ADARB2: variants seen among roughly 807,000 people sequenced by gnomAD.
The protein encoded by ADARB2 is adenosine deaminase RNA specific B2 (inactive).
Under a neutral mutation model 62.2 loss-of-function variants are expected in ADARB2, and 25 were observed. The ratio of observed to expected loss-of-function variants is 0.40; its 90% CI spans 0.29 to 0.56. ADARB2 has a LOEUF of 0.56. Ranked by LOEUF, ADARB2 falls within the 20% of genes least tolerant of loss-of-function variation. The pLI is 0.43. For synonymous variants in ADARB2, 572 were observed against 500.8 expected (o/e 1.14, Z -1.90); for missense variants, 1,071 against 1,077.4 (o/e 0.99, Z 0.08).
chr10:1,581,972 C>G (rs758721921), intron 1 of ADARB2, among the ~76,000 whole-genome samples: 2 of 152,152 alleles, frequency 1.3e-5, no homozygotes, highest in African/African-American at 2.4e-5. Context: ...CCAGAGGCCA[C>G]TTCCCTACTC....
At chr10:1,721,631 G>A (rs7900140) in intron 1 of ADARB2, among the ~76,000 whole-genome samples, 14,646 of 152,218 alleles carry the variant, frequency 0.096, 1,170 homozygotes, top group African/African-American at 0.21. Flanking sequence ...TTATTGCAAC[G>A]GCAGCAAAGC....
chr10:1,344,448 G>T (rs549929459), intron 3 of ADARB2, among the ~76,000 whole-genome samples: 2 of 152,276 alleles, frequency 1.3e-5, no homozygotes, highest in East Asian at 3.9e-4. Flanking sequence ...CTTTAGTAAA[G>T]AATTAAAGTT....
chr10:1,710,207 C>T (rs1300745353), intron 1 of ADARB2, among the ~76,000 whole-genome samples: 1 of 152,152 alleles, frequency 6.6e-6, no homozygotes, highest in Non-Finnish European at 1.5e-5. Context: ...TTCCTTTATA[C>T]TCAGCCCAGA....
intron 1 of ADARB2, among the ~76,000 whole-genome samples, chr10:1,451,253 T>TATC (rs1831033210): frequency 6.6e-6 from 1 of 152,222 alleles, no homozygotes; most frequent in South Asian, 2.1e-4. Context: ...CAGGTGAAAG[T>TATC]GCCCTCCCAG....
At position 1,705,000 on chromosome 10, in the gene ADARB2, G is replaced by A. The variant is rs1277166723; in HGVS notation, c.100+32051C>T. ...CAGACCCACAGGCAAAGCCCTGGGA[G>A]AAGTCCTTTCAAAGCTTTTCAATAT... On this transcript the variant is annotated intron_variant, in intron 1 of 9. Transcript: ENST00000381312. This position sits in a 1 kb window ranked among gnomAD's most constrained non-coding sequence, Gnocchi z 5.6. Among the ~76,000 whole-genome samples the A allele has an allele frequency of 1.3e-5, 2 of 152,202 alleles. No homozygotes were observed. Among genetic ancestry groups the A allele is most frequent in the Non-Finnish European group, 2.9e-5 (2 of 68,036 alleles).
At chr10:1,724,524 G>A (rs1835138133) in intron 1 of ADARB2, among the ~76,000 whole-genome samples, 1 of 152,188 alleles carries the variant, frequency 6.6e-6, no homozygotes, top group Non-Finnish European at 1.5e-5. Flanking sequence ...GGCTCCTTGT[G>A]TGCGCAGCAG....
chr10:1,566,632 T>A (rs377204400), intron 1 of ADARB2, among the ~76,000 whole-genome samples: 1 of 152,348 alleles, frequency 6.6e-6, no homozygotes, highest in African/African-American at 2.4e-5. Flanking sequence ...TGAGAGAAAT[T>A]GCAACTCAAA....
At chr10:1,243,329 G>A (rs1315682962) in intron 4 of ADARB2, among the ~76,000 whole-genome samples, 2 of 152,324 alleles carry the variant, frequency 1.3e-5, no homozygotes, top group South Asian at 2.1e-4. Flanking sequence ...GTAAATACAC[G>A]TCCGGACCAT....
chr10:1,646,619 T>A (rs1834046170), intron 1 of ADARB2, among the ~76,000 whole-genome samples: 1 of 152,236 alleles, frequency 6.6e-6, no homozygotes, highest in South Asian at 2.1e-4. Flanking sequence ...AGTCTTTCCA[T>A]CAAGATGAGA....
chr10:1,318,423 G>T (rs528814851), intron 3 of ADARB2, among the ~76,000 whole-genome samples: 2 of 152,244 alleles, frequency 1.3e-5, no homozygotes, highest in African/African-American at 4.8e-5. Flanking sequence ...CTGGGCCGGA[G>T]GGATGTGGGA....
intron 1 of ADARB2, among the ~76,000 whole-genome samples, chr10:1,663,220 C>T (rs1215522750): frequency 2.0e-5 from 3 of 152,220 alleles, no homozygotes; most frequent in Non-Finnish European, 4.4e-5. Flanking sequence ...CCTCCTTGTA[C>T]ACAGTTTGTC....
chr10:1,296,827 C>T (rs11250389), intron 3 of ADARB2, among the ~76,000 whole-genome samples: 11,286 of 152,198 alleles, frequency 0.074, 558 homozygotes, highest in East Asian at 0.11. Context: ...TCCTTTTTCA[C>T]TCATCCCTTT....
At chr10:1,274,570 C>T (rs934508106) in intron 3 of ADARB2, among the ~76,000 whole-genome samples, 3 of 152,082 alleles carry the variant, frequency 2.0e-5, no homozygotes, top group Admixed American at 1.3e-4. Flanking sequence ...CAGCACAGGA[C>T]ATCAGGATGG....
chr10:1,690,901 G>A lies in ADARB2; in HGVS notation c.100+46150C>T, dbSNP rs549806340. On this transcript the variant is annotated intron_variant, in intron 1 of 9. Transcript: ENST00000381312. ...ACCACCGCGGGTCTCATCAAAACGC[G>A]CATCTATCCCTGTGCCCGGCAGTCT... is the stretch of plus-strand genomic sequence containing the variant. Among the ~76,000 whole-genome samples, 19 of 152,226 alleles carry A rather than the reference G, an allele frequency of 1.2e-4. No homozygotes were observed. The East Asian group carries it at 2.9e-3, about 23-fold the overall frequency.
chr10:1,392,941 T>C (rs1263217133), intron 1 of ADARB2, among the ~76,000 whole-genome samples: 1 of 152,030 alleles, frequency 6.6e-6, no homozygotes, highest in Non-Finnish European at 1.5e-5. Flanking sequence ...TTTAAAGAGG[T>C]AATTGTGTTC....
intron 3 of ADARB2, among the ~76,000 whole-genome samples, chr10:1,326,859 GCC>G (rs1831857894): frequency 3.6e-5 from 2 of 55,732 alleles, no homozygotes; most frequent in African/African-American, 6.5e-5. Context: ...CCTCCCCACT[GCC>G]CAGCGCCTCC....
chr10:1,256,209 C>T (rs527401411), intron 4 of ADARB2, among the ~76,000 whole-genome samples: 304 of 152,340 alleles, frequency 2.0e-3, no homozygotes, highest in Middle Eastern at 3.4e-3. Flanking sequence ...TGTCCTCCCT[C>T]ACTGGCTCTG....
At position 1,271,080 on chromosome 10, in the gene ADARB2, C is replaced by G. The variant is rs371383719; in HGVS notation, c.1078-11G>C. 1.9e-6 allele frequency: 3 copies of G among 1,610,968 alleles called. No individual in the cohort carries two copies. Among genetic ancestry groups the G allele is most frequent in the African/African-American group, 1.3e-5 (1 of 74,868 alleles). On this transcript the variant is annotated splice_polypyrimidine_tract_variant and intron_variant, in intron 3 of 9. Coordinates refer to ENST00000381312, the MANE Select transcript of ADARB2 (RefSeq NM_018702.4). The stretch of plus-strand genomic sequence containing the variant: ...GGAGTCTGCGAATTCCTGAAAGACA[C>G]AAGCACAGGCCTCCACGTTGGGCTG...
At chr10:1,633,558 A>G (rs887717069) in intron 1 of ADARB2, among the ~76,000 whole-genome samples, 3 of 115,498 alleles carry the variant, frequency 2.6e-5, no homozygotes, top group African/African-American at 1.0e-4. Flanking sequence ...TCATCTATCT[A>G]TCTATCTATC....
Sources: gnomAD v4.1 joint callset for allele counts (sites outside exome capture counted in the v4.1 genomes callset) on GRCh38, gnomAD v4.1.1 for gene constraint, Gnocchi (gnomAD v3.1) non-coding constraint, MANE v1.5 for transcripts, NCBI Gene and HGNC (gene_info 2026-07-23, HGNC 2026-07-21) for gene names.